The following GRB2 variants were observed in gnomAD, a reference collection of about 807,000 sequenced individuals.
The protein encoded by GRB2 is growth factor receptor-bound protein 2.
In GRB2, 2 loss-of-function variants were observed where a neutral mutation model predicts 27.4. The ratio of observed to expected loss-of-function variants is 0.07; its 90% confidence interval spans 0.03 to 0.23. The LOEUF (loss-of-function observed/expected upper bound fraction) is 0.23. Among genes scored for constraint, GRB2 ranks in the 10% least tolerant of loss-of-function variants. The probability of loss-of-function intolerance (pLI) is 1.00; values close to 1 mark genes in which losing one functional copy is unlikely to be tolerated. For synonymous variants in GRB2, 94 were observed against 99.6 expected (o/e 0.94, Z 0.33); for missense variants, 102 against 282.4 (o/e 0.36, Z 4.58).
chr17:75,381,815 T>G (rs1294582140), intron 2 of GRB2, among the ~76,000 whole-genome samples: 1 of 152,088 alleles, frequency 6.6e-6, no homozygotes, highest in African/African-American at 2.4e-5. Context: ...ACCCCTTTCT[T>G]GTTCTCAGTG....
intron 2 of GRB2, among the ~76,000 whole-genome samples, chr17:75,351,380 T>C (rs2078691160): frequency 6.6e-6 from 1 of 152,154 alleles, no homozygotes; most frequent in Non-Finnish European, 1.5e-5. Context: ...CAAGTGCTGG[T>C]GGCTGACACC....
At chr17:75,400,627 C>T (rs1342856031) in intron 1 of GRB2, among the ~76,000 whole-genome samples, 1 of 152,100 alleles carries the variant, frequency 6.6e-6, no homozygotes, top group Non-Finnish European at 1.5e-5. Flanking sequence ...AGGCGTGTCA[C>T]CACCACCTAA....
At chr17:75,324,507 G>GTTTTGTTTTTTTTTT (rs1555608339) in intron 4 of GRB2, among the ~76,000 whole-genome samples, 1 of 36,704 alleles carries the variant, frequency 2.7e-5, no homozygotes, top group African/African-American at 8.2e-5. Context: ...ACCGCACCCA[G>GTTTTGTTTTTTTTTT]TTTTTTTTTT....
At chr17:75,362,273 C>G (rs1027209180) in intron 2 of GRB2, among the ~76,000 whole-genome samples, 1 of 152,124 alleles carries the variant, frequency 6.6e-6, no homozygotes, top group African/African-American at 2.4e-5. Context: ...ACATTTTTTC[C>G]TTAATTACCA....
chr17:75,363,083 A>G (rs1273095273), intron 2 of GRB2, among the ~76,000 whole-genome samples: 1 of 152,172 alleles, frequency 6.6e-6, no homozygotes, highest in Non-Finnish European at 1.5e-5. Context: ...TCTGGACACC[A>G]TATTTCATAA....
intron 2 of GRB2, among the ~76,000 whole-genome samples, chr17:75,336,645 C>T (rs1333457108): frequency 6.6e-6 from 1 of 152,174 alleles, no homozygotes; most frequent in Non-Finnish European, 1.5e-5. Flanking sequence ...AGAACTATGG[C>T]TGTCTACAGA....
chr17:75,320,608 A>T lies in GRB2; in HGVS notation c.469-55T>A. ...TTGCATTCCTGGTCTGTGACTGGCC[A>T]CCTCCGAGGCCAGATGGGTTCCAGG... On this transcript the variant is annotated intron_variant, in intron 5 of 5. Transcript: ENST00000316804. The surrounding 1 kb of genome is among the most constrained non-coding windows in gnomAD (Gnocchi z 4.3). 1 of 1,383,978 alleles carries T rather than the reference A, an allele frequency of 7.2e-7. No individual in the cohort carries two copies. 85.7% of individuals were successfully genotyped at this position (1,383,978 alleles called of 1,614,324 possible).
intron 2 of GRB2, among the ~76,000 whole-genome samples, chr17:75,366,643 C>CA (rs984658294): frequency 2.6e-5 from 4 of 151,830 alleles, no homozygotes; most frequent in African/African-American, 4.8e-5. Context: ...CCCATCTCCA[C>CA]AAAAAAACAA....
In GRB2 at chr17:75,392,217, A is replaced by T. The variant is rs532674491; in HGVS notation, c.78+1334T>A. ...TTTTCTCTAGTTCAAGAAAATAGAA[A>T]CCTAGTTTCTAGAAAATGGTTCCGT... is the stretch of plus-strand genomic sequence containing the variant. On this transcript the variant is annotated intron_variant, in intron 2 of 5. Transcript: ENST00000316804. 4.7e-5 allele frequency among the ~76,000 whole-genome samples: 7 copies of T among 149,998 alleles called. No homozygotes were observed. In the South Asian group the frequency reaches 1.4e-3, roughly 31 times the overall value.
At chr17:75,355,819 T>C (rs543066745) in intron 2 of GRB2, among the ~76,000 whole-genome samples, 84 of 144,896 alleles carry the variant, frequency 5.8e-4, no homozygotes, top group African/African-American at 1.4e-3. Flanking sequence ...CTTTCTTCTT[T>C]TTTTTTTTTT....
chr17:75,370,823 T>A (rs1001915896), intron 2 of GRB2: 1 of 152,350 alleles, frequency 6.6e-6, no homozygotes, highest in South Asian at 2.1e-4. Flanking sequence ...TTGTTTTTTA[T>A]ACATCCAAAG....
At chr17:75,339,729 T>G (rs2078607908) in intron 2 of GRB2, among the ~76,000 whole-genome samples, 1 of 151,012 alleles carries the variant, frequency 6.6e-6, no homozygotes, top group African/African-American at 2.4e-5. Flanking sequence ...TGGGTTCAAG[T>G]GATTCTCATG....
intron 1 of GRB2, among the ~76,000 whole-genome samples, chr17:75,398,177 ATTAAAACAATCAGAGTT>A (rs2079040829): frequency 6.6e-6 from 1 of 152,190 alleles, no homozygotes; most frequent in East Asian, 1.9e-4. Flanking sequence ...AGAAATGCAA[ATTAAAACAATCAGAGTT>A]TTCATATACT....
At chr17:75,344,855 A>G (rs1021931337) in intron 2 of GRB2, among the ~76,000 whole-genome samples, 1 of 144,140 alleles carries the variant, frequency 6.9e-6, no homozygotes, top group Admixed American at 6.9e-5. Context: ...CCCCCTCCCA[A>G]CCCCCCCGCC....
chr17:75,401,034 C>T (rs1398764194), intron 1 of GRB2, among the ~76,000 whole-genome samples: 1 of 151,064 alleles, frequency 6.6e-6, no homozygotes, highest in Admixed American at 6.6e-5. Context: ...ATGATCTCTG[C>T]TCAAAGCAAC....
intron 2 of GRB2, among the ~76,000 whole-genome samples, chr17:75,374,604 G>A (rs2078879862): frequency 6.6e-6 from 1 of 150,380 alleles, no homozygotes; most frequent in Non-Finnish European, 1.5e-5. Flanking sequence ...CATGCCTGTA[G>A]TCACACACAC....
At chr17:75,365,107 T>C (rs1254144012) in intron 2 of GRB2, among the ~76,000 whole-genome samples, 1 of 152,162 alleles carries the variant, frequency 6.6e-6, no homozygotes, top group Non-Finnish European at 1.5e-5. Flanking sequence ...CTGGCAGTTC[T>C]AGTATCAAAT....
chr17:75,340,852 T>C (rs1162918047), intron 2 of GRB2, among the ~76,000 whole-genome samples: 1 of 152,190 alleles, frequency 6.6e-6, no homozygotes, highest in East Asian at 1.9e-4. Context: ...ACCCACAGTG[T>C]AGATAAACGA....
At chr17:75,361,301 G>A (rs1245233322) in intron 2 of GRB2, among the ~76,000 whole-genome samples, 5 of 152,114 alleles carry the variant, frequency 3.3e-5, no homozygotes, top group Non-Finnish European at 5.9e-5. Flanking sequence ...TGTCTTAAAC[G>A]AGGACAAGGG....
Sources: allele counts gnomAD v4.1 joint callset (sites outside exome capture counted in the v4.1 genomes callset), GRCh38; gene constraint gnomAD v4.1.1; non-coding constraint Gnocchi (gnomAD v3.1); transcripts MANE v1.5; gene names NCBI Gene and HGNC (gene_info 2026-07-23, HGNC 2026-07-21).